The following CTNNBL1 variants were observed in gnomAD, a reference collection of about 807,000 sequenced individuals.
CTNNBL1 encodes beta-catenin-like protein 1.
CTNNBL1 carries 31 observed loss-of-function variants against 72.7 expected under a neutral mutation model. The observed-to-expected ratio is 0.43, with a 90% CI of 0.32 to 0.58. The LOEUF is 0.58. CTNNBL1 is among the 20% of genes least tolerant of loss of function. The probability of loss-of-function intolerance (pLI) is 0.08; values close to 1 mark genes in which losing one functional copy is unlikely to be tolerated. For synonymous variants in CTNNBL1, 240 were observed against 267.3 expected, an observed-to-expected ratio of 0.90 and a Z score of 1.00; for missense variants, 534 against 725.1, an observed-to-expected ratio of 0.74 and a Z score of 3.03.
intron 1 of CTNNBL1, among the ~76,000 whole-genome samples, chr20:37,727,830 C>T (rs1485555178): frequency 2.0e-5 from 3 of 152,130 alleles, no homozygotes; most frequent in African/African-American, 7.2e-5. Context: ...CCTTTGGCTT[C>T]CCTTTGGTGA....
chr20:37,868,231 G>T (rs1296351880), intron 15 of CTNNBL1, among the ~76,000 whole-genome samples: 3 of 152,002 alleles, frequency 2.0e-5, no homozygotes, highest in African/African-American at 7.3e-5. Context: ...AGGGTAGCCT[G>T]TTGCTTAGGT....
rs566029420 is a variant in CTNNBL1 at position 37,747,080 on chromosome 20, T to TACATTTCC, written c.466+474_466+475insCATTTCCA. 2.8e-3 allele frequency among the ~76,000 whole-genome samples: 428 copies of TACATTTCC among 152,332 alleles called. 5 individuals carry two copies. The highest frequency in any genetic ancestry group is 0.017 in the East Asian group (89 of 5,186). ...GAAGCTGTTCTGTTTTGTTCATTCC[T>TACATTTCC]AGTTCCTAAAAACAAGGCTGAGTGT... On this transcript the variant is annotated intron_variant, in intron 4 of 15. Coordinates refer to ENST00000361383, the MANE Select transcript of CTNNBL1 (RefSeq NM_030877.5).
intron 13 of CTNNBL1, among the ~76,000 whole-genome samples, chr20:37,849,053 A>G (rs978032501): frequency 2.6e-5 from 4 of 151,438 alleles, no homozygotes; most frequent in African/African-American, 4.9e-5. Context: ...CTCTCCCTCC[A>G]CCTCCCACAT....
At chr20:37,859,666 G>A (rs1226593950) in intron 13 of CTNNBL1, among the ~76,000 whole-genome samples, 5 of 151,374 alleles carry the variant, frequency 3.3e-5, no homozygotes, top group African/African-American at 1.2e-4. Flanking sequence ...TGATTCGTCA[G>A]ATAGGAAAAA....
intron 11 of CTNNBL1, among the ~76,000 whole-genome samples, chr20:37,806,980 A>G (rs1485419992): frequency 1.3e-5 from 2 of 152,144 alleles, no homozygotes; most frequent in African/African-American, 2.4e-5. Flanking sequence ...TATTTGATAA[A>G]GGGGCATCTA....
chr20:37,854,232 G>A (rs2072419611), intron 13 of CTNNBL1, among the ~76,000 whole-genome samples: 1 of 152,166 alleles, frequency 6.6e-6, no homozygotes, highest in Non-Finnish European at 1.5e-5. Flanking sequence ...GGTGCAGTGT[G>A]TACCTGCCTG....
chr20:37,766,930 A>G (rs1261245524), intron 6 of CTNNBL1, among the ~76,000 whole-genome samples: 1 of 152,208 alleles, frequency 6.6e-6, no homozygotes, highest in African/African-American at 2.4e-5. Context: ...GAAATGGCAG[A>G]AAGTAATTCA....
At chr20:37,779,076 G>GT (rs1370976174) in intron 9 of CTNNBL1, 111 bp from the exon 10 acceptor site, 5 of 1,021,858 alleles carry the variant, frequency 4.9e-6, no homozygotes, top group African/African-American at 4.8e-5. Context: ...GTGAGCTTCT[G>GT]TTTCCTCAGT....
At chr20:37,828,392 T>C (rs1234561057) in intron 11 of CTNNBL1, among the ~76,000 whole-genome samples, 1 of 152,184 alleles carries the variant, frequency 6.6e-6, no homozygotes, top group African/African-American at 2.4e-5. Flanking sequence ...GAATGCTTTT[T>C]TTTTTAAAAA....
intron 11 of CTNNBL1, among the ~76,000 whole-genome samples, chr20:37,808,652 T>C (rs6021058): frequency 5.9e-5 from 9 of 152,260 alleles, no homozygotes; most frequent in African/African-American, 2.2e-4. Context: ...TGTCTTCCCC[T>C]AGTTCCCCTT....
intron 13 of CTNNBL1, among the ~76,000 whole-genome samples, chr20:37,847,580 ACTT>A (rs2072356974): frequency 6.6e-6 from 1 of 152,124 alleles, no homozygotes; most frequent in East Asian, 1.9e-4. Context: ...AGGCATCCTG[ACTT>A]CTTGTTGATT....
intron 11 of CTNNBL1, among the ~76,000 whole-genome samples, chr20:37,833,584 G>A (rs1418807731): frequency 6.6e-6 from 1 of 152,130 alleles, no homozygotes; most frequent in Admixed American, 6.5e-5. Context: ...GTGTGTGTGC[G>A]TGTGTACATG....
At chr20:37,830,559 C>A (rs2072199527) in intron 11 of CTNNBL1, among the ~76,000 whole-genome samples, 1 of 152,148 alleles carries the variant, frequency 6.6e-6, no homozygotes, top group African/African-American at 2.4e-5. Flanking sequence ...TACTGTGCAC[C>A]TTGTCACTTT....
chr20:37,817,731 C>T (rs1382859075), intron 11 of CTNNBL1, among the ~76,000 whole-genome samples: 1 of 152,108 alleles, frequency 6.6e-6, no homozygotes, highest in Non-Finnish European at 1.5e-5. Flanking sequence ...CTAACCAGCC[C>T]CCAGGTAACG....
At chr20:37,797,709 T>G (rs1329485672) in intron 10 of CTNNBL1, among the ~76,000 whole-genome samples, 1 of 152,168 alleles carries the variant, frequency 6.6e-6, no homozygotes, top group African/African-American at 2.4e-5. Flanking sequence ...TCTCTCTTCC[T>G]TCTGCTCCCC....
At chr20:37,729,044 C>T (rs535430642) in intron 1 of CTNNBL1, among the ~76,000 whole-genome samples, 2 of 152,274 alleles carry the variant, frequency 1.3e-5, no homozygotes, top group East Asian at 3.9e-4. Flanking sequence ...ACCCTTCAAA[C>T]CTTATAACTC....
At position 37,697,675 on chromosome 20, in the gene CTNNBL1, C is replaced by T. The variant is rs574068642; in HGVS notation, c.30+3523C>T. ...AACCTTAGTCTGATAAAGGGACTCA[C>T]CTGAGGTTGTGGGCCAAGATGGTGG... On this transcript the variant is annotated intron_variant, in intron 1 of 15. Transcript: ENST00000361383. Among the ~76,000 whole-genome samples, 9 of 152,286 alleles carry T rather than the reference C, an allele frequency of 5.9e-5. No homozygotes were observed. The South Asian group carries it at 1.2e-3, about 21-fold the overall frequency.
chr20:37,834,007 T>C (rs867917038), intron 11 of CTNNBL1, among the ~76,000 whole-genome samples: 1 of 152,220 alleles, frequency 6.6e-6, no homozygotes, highest in African/African-American at 2.4e-5. Flanking sequence ...TAGGCATCAA[T>C]TGGCAACCTA....
At chr20:37,790,134 A>G (rs1032230923) in intron 10 of CTNNBL1, among the ~76,000 whole-genome samples, 4 of 152,212 alleles carry the variant, frequency 2.6e-5, no homozygotes, top group Non-Finnish European at 2.9e-5. Flanking sequence ...TAAAATGGCA[A>G]TGGTATAATA....
Sources: gnomAD v4.1 joint callset for allele counts (sites outside exome capture counted in the v4.1 genomes callset) on GRCh38, gnomAD v4.1.1 for gene constraint, MANE v1.5 for transcripts, NCBI Gene and HGNC (gene_info 2026-07-23, HGNC 2026-07-21) for gene names.